PCCB: variants seen among roughly 807,000 people sequenced by gnomAD.
The protein encoded by PCCB is propionyl-CoA carboxylase beta chain, mitochondrial.
PCCB carries 43 observed loss-of-function variants against 60.7 expected under a neutral mutation model. That is an observed-to-expected ratio of 0.71 (90% confidence interval 0.55 to 0.91). The LOEUF is 0.91. PCCB is among the 40% of genes least tolerant of loss of function. PCCB has a pLI of 0.00. For synonymous variants in PCCB, 276 were observed against 255.9 expected (o/e 1.08, Z -0.75); for missense variants, 766 against 702.8 (o/e 1.09, Z -1.02).
At chr3:136,327,466 A>G (rs544585971) in intron 12 of PCCB, among the ~76,000 whole-genome samples, 168 bp from the exon 13 acceptor site, 1 of 152,364 alleles carries the variant, frequency 6.6e-6, no homozygotes, top group Admixed American at 6.5e-5. Flanking sequence ...AAAAGCCAGA[A>G]AAGATAATGA....
chr3:136,300,993 C>A, intron 8 of PCCB, 37 bp from the exon 9 acceptor site: 1 of 1,518,058 alleles, frequency 6.6e-7, no homozygotes, highest in Non-Finnish European at 9.2e-7. Flanking sequence ...ACTGGCTCTT[C>A]CTATGTTGAC....
chr3:136,254,844 G>C (rs1269890407), intron 1 of PCCB, among the ~76,000 whole-genome samples: 1 of 150,906 alleles, frequency 6.6e-6, no homozygotes, highest in Non-Finnish European at 1.5e-5. Context: ...GCTCCTGGTA[G>C]ATTGAGAGCT....
In PCCB at chr3:136,330,049, A is replaced by G. The variant is rs1560035772; in HGVS notation, c.*23A>G. On this transcript the variant is annotated 3_prime_UTR_variant, in exon 15 of 15. Transcript: ENST00000251654. ...TAAACAAATCAAAGGAAAAGAAACC[A>G]AGAACTGAATTACTGTCTGCCCATT... 6.2e-7 allele frequency: 1 copy of G among 1,613,922 alleles called. No individual in the cohort carries two copies.
chr3:136,290,388 A>G (rs1933619896), intron 6 of PCCB, among the ~76,000 whole-genome samples: 2 of 152,084 alleles, frequency 1.3e-5, no homozygotes, highest in South Asian at 4.1e-4. Flanking sequence ...AAAAATTTGG[A>G]TATAATTATT....
At position 136,325,097 on chromosome 3, in the gene PCCB, C is replaced by G. The variant is rs544398831; in HGVS notation, c.1091-1706C>G. On this transcript the variant is annotated intron_variant, in intron 10 of 14. Transcript: ENST00000251654. ...TAGAGACAGGGTTTTGCCATTTTGGCCAGGCTGGTCTTGAACTCCTGACCT... is the reference window on the plus strand; with the variant it reads ...TAGAGACAGGGTTTTGCCATTTTGGGCAGGCTGGTCTTGAACTCCTGACCT... Among the ~76,000 whole-genome samples, 12 of 152,240 alleles carry G rather than the reference C, an allele frequency of 7.9e-5. No individual in the cohort carries two copies. In the East Asian group the frequency reaches 2.3e-3, roughly 29 times the overall value.
Position 136,293,874 on chromosome 3 carries a change from C to A in PCCB, c.763+10C>A. 2 of 1,457,312 alleles carry A rather than the reference C, an allele frequency of 1.4e-6. No individual in the cohort carries two copies. The highest frequency in any genetic ancestry group is 1.9e-6 in the Non-Finnish European group (2 of 1,036,980). The allele number at this position is 1,457,312 out of a possible 1,614,324, so 90.3% of individuals were successfully genotyped here. A position where few individuals can be genotyped will look rare whatever the true frequency, so the allele number is the denominator to read the frequency against. ...CACACCACCATGTCAGGTGAGAGGC[C>A]TTGAAGATGACCTTGTTGTTTTCAA... is the stretch of plus-strand genomic sequence containing the variant. On this transcript the variant is annotated intron_variant, in intron 7 of 14. Transcript: ENST00000251654.
chr3:136,280,242 C>G (rs143731586), intron 5 of PCCB, among the ~76,000 whole-genome samples: 1 of 152,332 alleles, frequency 6.6e-6, no homozygotes, highest in African/African-American at 2.4e-5. Flanking sequence ...CAAATGAATG[C>G]TCTCAGCTTT....
chr3:136,309,633 C>G (rs1490710762), intron 9 of PCCB, among the ~76,000 whole-genome samples: 3 of 151,922 alleles, frequency 2.0e-5, no homozygotes, highest in African/African-American at 7.3e-5. Context: ...GTCCCTGTCT[C>G]TACAAAAATT....
At chr3:136,251,258 C>G in intron 1 of PCCB, 1 of 456,688 alleles carries the variant, frequency 2.2e-6, no homozygotes, top group South Asian at 1.5e-5. Context: ...TCCAGCTGGC[C>G]TTCAGAGATA....
chr3:136,326,822 A>G lies in PCCB; in HGVS notation c.1110A>G (p.Ser370=), dbSNP rs1348910359. 1.9e-6 allele frequency: 3 copies of G among 1,607,756 alleles called. No homozygotes were observed. Among genetic ancestry groups the G allele is most frequent in the African/African-American group, 2.7e-5 (2 of 74,900 alleles). Residue 370 remains serine (S), a synonymous_variant, in exon 11 of 15, where the codon TCA becomes TCG. Coordinates refer to ENST00000251654, the MANE Select transcript of PCCB (RefSeq NM_000532.5). ...KVASGCLDIN[S]SVKGARFVRF... is the part of the protein sequence containing the mutation. ...TTCTAGGATGCTTGGATATTAATTC[A>G]TCTGTGAAAGGGGCTCGTTTTGTCA...
chr3:136,281,973 A>G (rs1402580082), intron 5 of PCCB, among the ~76,000 whole-genome samples: 1 of 152,128 alleles, frequency 6.6e-6, no homozygotes, highest in Non-Finnish European at 1.5e-5. Context: ...ACCTTTTTAA[A>G]TCCCTTGTGG....
chr3:136,315,980 A>T (rs1934878600), intron 9 of PCCB, among the ~76,000 whole-genome samples: 1 of 152,128 alleles, frequency 6.6e-6, no homozygotes, highest in South Asian at 2.1e-4. Flanking sequence ...AGCATGTTGG[A>T]GGCCAAGGTG....
chr3:136,291,575 G>T (rs1242950547), intron 6 of PCCB, among the ~76,000 whole-genome samples: 1 of 152,094 alleles, frequency 6.6e-6, no homozygotes, highest in Non-Finnish European at 1.5e-5. Context: ...TCAGTCTCTC[G>T]TACTTTTTTG....
intron 1 of PCCB, chr3:136,252,216 C>T (rs1481184620): frequency 3.3e-5 from 15 of 452,354 alleles, no homozygotes; most frequent in Middle Eastern, 3.3e-4. Context: ...TGACCATTTC[C>T]GTAGATTTTC....
intron 8 of PCCB, 67 bp downstream of exon 8, chr3:136,298,139 G>T: frequency 1.1e-5 from 17 of 1,603,754 alleles, no homozygotes; most frequent in Non-Finnish European, 1.4e-5. Context: ...GCCCTGACAG[G>T]ACCCCCAGGG....
rs750042831 is a variant in PCCB, at chr3:136,260,471, C to G, written c.373-8C>G. 2.5e-6 allele frequency: 4 copies of G among 1,610,514 alleles called. No individual in the cohort carries two copies. The highest frequency in any genetic ancestry group is 1.7e-4 in the Middle Eastern group (1 of 6,052). Reference sequence around the variant, plus strand: ...TATTTGACTTGCTGATTTGTATTTTCTTTTTAGGATTTTACAGTTTTTGGA... The same window carrying G: ...TATTTGACTTGCTGATTTGTATTTTGTTTTTAGGATTTTACAGTTTTTGGA... On this transcript the variant is annotated splice_polypyrimidine_tract_variant and splice_region_variant and intron_variant, in intron 3 of 14. Coordinates refer to ENST00000251654, the MANE Select transcript of PCCB (RefSeq NM_000532.5).
chr3:136,299,289 C>T (rs935556901), intron 8 of PCCB, among the ~76,000 whole-genome samples: 4 of 151,568 alleles, frequency 2.6e-5, no homozygotes, highest in African/African-American at 4.9e-5. Flanking sequence ...TGCATATGTA[C>T]GTATATGCAT....
intron 5 of PCCB, among the ~76,000 whole-genome samples, chr3:136,268,087 G>GAGATATAT (rs1553775716): frequency 2.1e-5 from 2 of 93,800 alleles, no homozygotes; most frequent in East Asian, 2.9e-4. Flanking sequence ...TGTGTGTGTA[G>GAGATATAT]ATATATATAT....
intron 5 of PCCB, among the ~76,000 whole-genome samples, chr3:136,274,969 C>G (rs1942302733): frequency 6.6e-6 from 1 of 152,108 alleles, no homozygotes; most frequent in East Asian, 1.9e-4. Flanking sequence ...TGCCACCACT[C>G]CCGGCTAATT....
Sources: gnomAD v4.1 joint callset for allele counts (sites outside exome capture counted in the v4.1 genomes callset) on GRCh38, gnomAD v4.1.1 for gene constraint, MANE v1.5 for transcripts, NCBI Gene and HGNC (gene_info 2026-07-23, HGNC 2026-07-21) for gene names.